Variants in PACC1 observed in about 807,000 individuals in gnomAD.
The protein encoded by PACC1 is proton-activated chloride channel.
PACC1 carries 34 observed loss-of-function variants against 39.7 expected under a neutral mutation model. The ratio of observed to expected loss-of-function variants is 0.86; its 90% CI spans 0.65 to 1.14. The LOEUF (loss-of-function observed/expected upper bound fraction) is 1.14. Ranked by LOEUF, PACC1 falls within the 50% of genes most tolerant of loss-of-function variation. The pLI, the probability that PACC1 is intolerant of heterozygous loss-of-function variation, is 0.00. For missense variants in PACC1, 379 were observed against 436.4 expected, an observed-to-expected ratio of 0.87 and a Z score of 1.17; for synonymous variants, 127 against 160.6, an observed-to-expected ratio of 0.79 and a Z score of 1.58.
chr1:212,365,764 A>T (rs1427340617), intron 7 of PACC1, among the ~76,000 whole-genome samples: 1 of 152,224 alleles, frequency 6.6e-6, no homozygotes, highest in Non-Finnish European at 1.5e-5. Context: ...ACTCCTCCCT[A>T]TAATAAAGTG....
chr1:212,401,186 C>T (rs1241290398), intron 2 of PACC1, among the ~76,000 whole-genome samples: 1 of 152,112 alleles, frequency 6.6e-6, no homozygotes, highest in Admixed American at 6.5e-5. Context: ...TTTCATTACC[C>T]AAAAAGAAAC....
Position 212,404,139 on chromosome 1 carries a change from C to T in PACC1, c.133+6286G>A, listed in dbSNP as rs552309305. Reference sequence around the variant, plus strand: ...TTTATTTTTTTGAGACAGAGTCTCGCTCTGTCGCCCAGGCTGGAGTACAGT... The same window carrying T: ...TTTATTTTTTTGAGACAGAGTCTCGTTCTGTCGCCCAGGCTGGAGTACAGT... On this transcript the variant is annotated intron_variant, in intron 2 of 7. Coordinates refer to ENST00000261455, the MANE Select transcript of PACC1 (RefSeq NM_018252.3). 1.1e-3 allele frequency among the ~76,000 whole-genome samples: 168 copies of T among 151,942 alleles called. 1 individual carries two copies. Among genetic ancestry groups the T allele is most frequent in the African/African-American group, 3.9e-3 (163 of 41,426 alleles).
chr1:212,403,872 T>C (rs1661807440), intron 2 of PACC1, among the ~76,000 whole-genome samples: 1 of 152,108 alleles, frequency 6.6e-6, no homozygotes, highest in South Asian at 2.1e-4. Flanking sequence ...CATCTTCTTT[T>C]CTAAGCCATT....
intron 2 of PACC1, among the ~76,000 whole-genome samples, chr1:212,400,189 C>A (rs753375689): frequency 1.3e-5 from 2 of 152,064 alleles, no homozygotes; most frequent in African/African-American, 4.8e-5. Context: ...CCAGGCTGAA[C>A]AATATAATAA....
At chr1:212,372,964 A>G (rs955095259) in intron 7 of PACC1, among the ~76,000 whole-genome samples, 3 of 152,194 alleles carry the variant, frequency 2.0e-5, no homozygotes, top group Admixed American at 1.3e-4. Flanking sequence ...TGCAATTCCT[A>G]TAAAATACCA....
intron 2 of PACC1, among the ~76,000 whole-genome samples, chr1:212,400,800 T>C (rs902266855): frequency 2.0e-5 from 3 of 152,114 alleles, no homozygotes; most frequent in Admixed American, 6.5e-5. Flanking sequence ...CTGGGAAAGG[T>C]AGTTTATATG....
chr1:212,369,098 A>T (rs1263215734), intron 7 of PACC1, among the ~76,000 whole-genome samples: 1 of 151,966 alleles, frequency 6.6e-6, no homozygotes, highest in East Asian at 1.9e-4. Flanking sequence ...AGGAGTATGG[A>T]GTTGAAGTGT....
In PACC1 at chr1:212,375,312, G is replaced by T; in HGVS notation, c.784-12C>A. 6.3e-7 allele frequency: 1 copy of T among 1,595,482 alleles called. No individual in the cohort carries two copies. The highest frequency in any genetic ancestry group is 8.6e-7 in the Non-Finnish European group (1 of 1,163,258). ...TTAACCACACTTGTCTAGATGTGGA[G>T]GAGAGAAAGCAGTGTTACCACCTCT... On this transcript the variant is annotated splice_polypyrimidine_tract_variant and intron_variant, in intron 6 of 7. Coordinates refer to ENST00000261455, the MANE Select transcript of PACC1 (RefSeq NM_018252.3).
chr1:212,413,437 AT>A (rs34119085), intron 1 of PACC1, among the ~76,000 whole-genome samples: 78,671 of 152,028 alleles, frequency 0.52, 21,861 homozygotes, highest in African/African-American at 0.73. Context: ...CAGCAAGTTC[AT>A]TATGAGAAGG....
intron 2 of PACC1, among the ~76,000 whole-genome samples, chr1:212,401,337 G>A (rs533858413): frequency 6.6e-6 from 1 of 152,054 alleles, no homozygotes; most frequent in African/African-American, 2.4e-5. Flanking sequence ...CTATGTTTTC[G>A]AGATACAGCT....
intron 5 of PACC1, among the ~76,000 whole-genome samples, chr1:212,379,110 AT>A (rs1202890284): frequency 2.0e-5 from 3 of 151,702 alleles, no homozygotes; most frequent in South Asian, 2.1e-4. Flanking sequence ...CGCCTGGCTA[AT>A]TTTTTGTATT....
chr1:212,401,622 CAAA>C (rs770201392), intron 2 of PACC1, among the ~76,000 whole-genome samples: 4 of 44,916 alleles, frequency 8.9e-5, no homozygotes, highest in Non-Finnish European at 1.6e-4. Flanking sequence ...ACTCTTGTCT[CAAA>C]AAAAAAAAAA....
chr1:212,370,447 C>T (rs984881845), intron 7 of PACC1, among the ~76,000 whole-genome samples: 23 of 152,266 alleles, frequency 1.5e-4, no homozygotes, highest in Non-Finnish European at 2.6e-4. Flanking sequence ...CCAGCCTGGG[C>T]GACAGAACGA....
In PACC1 at chr1:212,386,840, C is replaced by T. The variant is rs374870986; in HGVS notation, c.343+51G>A. ...CGGCAGCTCAGGGAGTATCTGCCAG[C>T]TGACACCCTAGATCTGGGGCCCTGA... On this transcript the variant is annotated intron_variant, in intron 3 of 7. Coordinates refer to ENST00000261455, the MANE Select transcript of PACC1 (RefSeq NM_018252.3). The surrounding 1 kb of genome is among the most constrained non-coding windows in gnomAD (Gnocchi z 5.0). 2.2e-5 allele frequency: 35 copies of T among 1,579,842 alleles called. No individual in the cohort carries two copies. Among genetic ancestry groups the T allele is most frequent in the Non-Finnish European group, 3.0e-5 (35 of 1,150,366 alleles).
At position 212,390,827 on chromosome 1, in the gene PACC1, C is replaced by T. The variant is rs367616393; in HGVS notation, c.134-3727G>A. On this transcript the variant is annotated intron_variant, in intron 2 of 7. Coordinates refer to ENST00000261455, the MANE Select transcript of PACC1 (RefSeq NM_018252.3). ...CCTGGCTCAGAGGGTCCCACACCCA[C>T]GGAGCCTCGCTCATTGCTAGCACAG... Among the ~76,000 whole-genome samples, 14 of 152,364 alleles carry T rather than the reference C, an allele frequency of 9.2e-5. No individual in the cohort carries two copies. The East Asian group carries it at 1.9e-3, about 21-fold the overall frequency.
intron 7 of PACC1, among the ~76,000 whole-genome samples, chr1:212,369,262 T>G (rs1660357057): frequency 1.3e-5 from 2 of 151,954 alleles, no homozygotes; most frequent in African/African-American, 4.8e-5. Context: ...AGTAAGGAAT[T>G]TAAAGAGATA....
intron 7 of PACC1, among the ~76,000 whole-genome samples, chr1:212,374,479 T>C (rs1336193255): frequency 6.6e-6 from 1 of 152,088 alleles, no homozygotes; most frequent in African/African-American, 2.4e-5. Flanking sequence ...GTAAGATAGA[T>C]GACATGATAA....
intron 2 of PACC1, among the ~76,000 whole-genome samples, chr1:212,392,348 A>G (rs1467332631): frequency 1.3e-5 from 2 of 152,238 alleles, no homozygotes; most frequent in South Asian, 2.1e-4. Flanking sequence ...ACTAAGCTTC[A>G]TAAGTGAAGG....
At chr1:212,402,318 C>T (rs1378259644) in intron 2 of PACC1, among the ~76,000 whole-genome samples, 2 of 152,126 alleles carry the variant, frequency 1.3e-5, no homozygotes, top group Non-Finnish European at 2.9e-5. Context: ...ACATCCTTGC[C>T]AAAACTTATT....
Sources: gnomAD v4.1 joint callset for allele counts (sites outside exome capture counted in the v4.1 genomes callset) on GRCh38, gnomAD v4.1.1 for gene constraint, Gnocchi (gnomAD v3.1) non-coding constraint, MANE v1.5 for transcripts, NCBI Gene and HGNC (gene_info 2026-07-23, HGNC 2026-07-21) for gene names.